ZNF718: variants seen among roughly 807,000 people sequenced by gnomAD.
The protein encoded by ZNF718 is zinc finger protein 718.
In ZNF718, 3 loss-of-function variants were observed where a neutral mutation model predicts 2.6. The observed-to-expected ratio is 1.16, with a 90% CI of 0.53 to 3.01. The LOEUF is 3.01. ZNF718 is among the 30% of genes most tolerant of loss of function. The pLI is 0.03. For missense variants in ZNF718, 468 were observed against 230.0 expected (o/e 2.03, Z -6.69); for synonymous variants, 135 against 77.9 (o/e 1.73, Z -3.86).
chr4:169,796 T>G (rs895894365), intron 3 of ZNF718, among the ~76,000 whole-genome samples: 16 of 152,214 alleles, frequency 1.1e-4, no homozygotes, highest in Non-Finnish European at 2.2e-4. Flanking sequence ...CTTGACTCTT[T>G]ATCCAATTTG....
Position 161,944 on chromosome 4 carries a change from A to C in ZNF718, c.1259A>C (p.Glu420Ala). The C allele has an allele frequency of 1.3e-6, 1 of 780,022 alleles. No homozygotes were observed. Among genetic ancestry groups the C allele is most frequent in the Non-Finnish European group, 2.4e-6 (1 of 417,582 alleles). The allele number at this position is 780,022 out of a possible 1,614,324, so 48.3% of individuals were successfully genotyped here. The change falls in exon 4 of 4, where the codon GAG becomes GCG. Residue 420 changes from glutamate (E) to alanine (A), a missense_variant. Transcript: ENST00000510175. ...AATCATAAGAAAATTCATACTGGAG[A>C]GAAACCCTACATATGTAAACAATGT... Reference protein sequence around the residue: ...LHNHKKIHTGEKPYICKQCGK... With the variant: ...LHNHKKIHTGAKPYICKQCGK...
At chr4:178,426 A>C (rs889813368) in intron 3 of ZNF718, among the ~76,000 whole-genome samples, 4 of 152,108 alleles carry the variant, frequency 2.6e-5, no homozygotes, top group Non-Finnish European at 5.9e-5. Flanking sequence ...GGCATGATCC[A>C]CCACACCCAG....
intron 3 of ZNF718, among the ~76,000 whole-genome samples, chr4:145,105 C>T (rs541284572): frequency 5.9e-5 from 9 of 151,324 alleles, no homozygotes; most frequent in Admixed American, 5.9e-4. Context: ...AACCTAATAG[C>T]TTCTTAAGGG....
chr4:144,408 C>T lies in ZNF718; in HGVS notation c.226+12903C>T, dbSNP rs973284917. On this transcript the variant is annotated intron_variant, in intron 3 of 3. Transcript: ENST00000510175. ...GATCAGTTTTATGCCATTTTAATTA[C>T]GGTAGCTCTGTTGTATCATTTAAAT... Among the ~76,000 whole-genome samples the T allele has an allele frequency of 3.9e-5, 6 of 152,158 alleles. No individual in the cohort carries two copies. In the South Asian group the frequency reaches 6.2e-4, roughly 16 times the overall value.
chr4:173,250 T>A (rs961894136), intron 3 of ZNF718, among the ~76,000 whole-genome samples: 1 of 152,060 alleles, frequency 6.6e-6, no homozygotes, highest in Non-Finnish European at 1.5e-5. Flanking sequence ...CAGCAAATGC[T>A]GTAATGTAAT....
intron 3 of ZNF718, among the ~76,000 whole-genome samples, chr4:192,629 T>C (rs1553821403): frequency 1.3e-5 from 2 of 152,246 alleles, no homozygotes; most frequent in East Asian, 3.9e-4. Context: ...AACTGGGGCA[T>C]AGTAGGGGTC....
intron 3 of ZNF718, among the ~76,000 whole-genome samples, chr4:151,418 T>A (rs375558551): frequency 1.3e-5 from 2 of 152,124 alleles, no homozygotes; most frequent in Admixed American, 1.3e-4. Context: ...TCTTTTCAAT[T>A]ACAGTCTTTT....
intron 3 of ZNF718, among the ~76,000 whole-genome samples, chr4:169,508 C>G (rs554085836): frequency 0.017 from 2,572 of 152,124 alleles, 47 homozygotes; most frequent in African/African-American, 0.041. Flanking sequence ...AGGTCTCTAA[C>G]GACTTGCTTT....
At chr4:130,766 C>T (rs1715330240) in intron 1 of ZNF718, 22 bp from the exon 2 acceptor site, 2 of 330,216 alleles carry the variant, frequency 6.1e-6, no homozygotes, top group South Asian at 5.3e-5. Flanking sequence ...AATTCTGTCA[C>T]TTGATAAATG....
At chr4:142,177 C>G (rs1560112648) in intron 3 of ZNF718, 1 of 365,800 alleles carries the variant, frequency 2.7e-6, no homozygotes, top group Non-Finnish European at 5.6e-6. Context: ...GGAGATTTCT[C>G]CCAAGAAGAT....
At position 161,451 on chromosome 4, in the gene ZNF718, A is replaced by G. The variant is rs782303294; in HGVS notation, c.766A>G (p.Ile256Val). The G allele has an allele frequency of 3.8e-6, 3 of 779,670 alleles. No individual in the cohort carries two copies. The highest frequency in any genetic ancestry group is 2.7e-5 in the South Asian group (2 of 74,598). The allele number at this position is 779,670 out of a possible 1,614,324, so 48.3% of individuals were successfully genotyped here. A position where few individuals can be genotyped will look rare whatever the true frequency, so the allele number is the denominator to read the frequency against. ...AATTCATACTGGAGAGAAACCCTAC[A>G]TATGTGAAAAATGTGGTAAAGCTTT... ...KRIHTGEKPY[I>V]CEKCGKAFNQ... Residue 256 changes from isoleucine to valine, a missense_variant, in exon 4 of 4, where the codon ATA becomes GTA. Transcript: ENST00000510175.
intron 3 of ZNF718, among the ~76,000 whole-genome samples, chr4:155,562 T>A (rs1216913077): frequency 6.6e-6 from 1 of 152,220 alleles, no homozygotes; most frequent in Non-Finnish European, 1.5e-5. Flanking sequence ...ATGGGGCCTC[T>A]AACTTCCTTG....
At position 162,048 on chromosome 4, in the gene ZNF718, G is replaced by T. The variant is rs376983013; in HGVS notation, c.1363G>T (p.Glu455Ter). The change falls in exon 4 of 4, where the codon GAA (glutamate) becomes TAA (stop). Residue 455 changes from glutamate (E) to a stop codon, truncating the protein, a stop_gained. Coordinates refer to ENST00000510175, the MANE Select transcript of ZNF718 (RefSeq NM_001039127.6). LOFTEE classifies it high-confidence loss of function. ...HTVDKPYKCK[E>*]CGKAFKQYSN... ...TGTAGATAAACCCTACAAATGTAAA[G>T]AATGCGGGAAAGCTTTTAAGCAGTA... The T allele has an allele frequency of 1.3e-6, 1 of 776,758 alleles. No homozygotes were observed. Among genetic ancestry groups the T allele is most frequent in the South Asian group, 1.3e-5 (1 of 74,144 alleles). 48.1% of individuals were successfully genotyped at this position (776,758 alleles called of 1,614,324 possible).
downstream of ZNF718, among the ~76,000 whole-genome samples, chr4:164,338 A>T (rs1397421560): frequency 1.1e-4 from 16 of 152,068 alleles, no homozygotes; most frequent in African/African-American, 3.6e-4. Context: ...GAAAATAGCA[A>T]CATTGGGACA....
At chr4:181,259 G>T (rs1553819782) in intron 3 of ZNF718, among the ~76,000 whole-genome samples, 5 of 139,592 alleles carry the variant, frequency 3.6e-5, no homozygotes, top group African/African-American at 1.3e-4. Context: ...TCCCACCTCA[G>T]CCTCTCCAAG....
chr4:152,060 T>C (rs1413610631), intron 3 of ZNF718, among the ~76,000 whole-genome samples: 1 of 146,182 alleles, frequency 6.8e-6, no homozygotes, highest in Non-Finnish European at 1.5e-5. Context: ...CTTTTAGATA[T>C]GCATACACAT....
downstream of ZNF718, among the ~76,000 whole-genome samples, chr4:167,866 G>A (rs1293014174): frequency 6.6e-6 from 1 of 152,048 alleles, no homozygotes; most frequent in Non-Finnish European, 1.5e-5. Context: ...TGATTGCCCT[G>A]GCCAGAACTT....
At chr4:199,644 C>T (rs1717860799) in intron 3 of ZNF718, among the ~76,000 whole-genome samples, 1 of 152,234 alleles carries the variant, frequency 6.6e-6, no homozygotes, top group Non-Finnish European at 1.5e-5. Context: ...TAAGAACTAT[C>T]AGTATCTCTA....
chr4:135,927 C>G (rs1715552322), intron 3 of ZNF718, among the ~76,000 whole-genome samples: 1 of 151,960 alleles, frequency 6.6e-6, no homozygotes, highest in African/African-American at 2.4e-5. Context: ...TGAAGCAGCC[C>G]TGTGTCTGTA....
Sources: allele counts gnomAD v4.1 joint callset (sites outside exome capture counted in the v4.1 genomes callset), GRCh38; gene constraint gnomAD v4.1.1; transcripts MANE v1.5; gene names NCBI Gene and HGNC (gene_info 2026-07-23, HGNC 2026-07-21).